The following EYS variants were observed in gnomAD, a reference collection of about 807,000 sequenced individuals.
EYS encodes the protein EGF-like photoreceptor maintenance factor.
A neutral mutation model predicts 282.1 loss-of-function variants in EYS; 250 were observed. The ratio of observed to expected loss-of-function variants is 0.89; its 90% CI spans 0.80 to 0.98. The LOEUF is 0.98. EYS is among the 50% of genes least tolerant of loss of function. The pLI, the probability that EYS is intolerant of heterozygous loss-of-function variation, is 0.00. For missense variants in EYS, 4,016 were observed against 3,709.0 expected, an observed-to-expected ratio of 1.08 and a Z score of -2.15; for synonymous variants, 1,355 against 1,282.9, an observed-to-expected ratio of 1.06 and a Z score of -1.20.
At chr6:64,512,199 G>T (rs1777432106) in intron 26 of EYS, among the ~76,000 whole-genome samples, 1 of 151,984 alleles carries the variant, frequency 6.6e-6, no homozygotes, top group African/African-American at 2.4e-5. Flanking sequence ...CCCAGAGTTG[G>T]GTTCCACTGG....
intron 31 of EYS, among the ~76,000 whole-genome samples, chr6:64,116,887 T>C (rs765256857): frequency 6.6e-6 from 1 of 152,056 alleles, no homozygotes; most frequent in Non-Finnish European, 1.5e-5. Context: ...GTTGTAAATA[T>C]ATAAGTACTA....
At chr6:64,673,881 GA>G (rs969952080) in intron 22 of EYS, among the ~76,000 whole-genome samples, 2 of 151,984 alleles carry the variant, frequency 1.3e-5, no homozygotes, top group African/African-American at 4.8e-5. Context: ...TGCACTATTA[GA>G]AAAATTTATG....
chr6:64,321,588 A>G (rs1258563402), intron 29 of EYS, among the ~76,000 whole-genome samples: 2 of 151,916 alleles, frequency 1.3e-5, no homozygotes, highest in Non-Finnish European at 2.9e-5. Flanking sequence ...TGCTATGAAT[A>G]TTTATTAAAT....
At chr6:64,894,103 A>T (rs1767377220) in intron 18 of EYS, among the ~76,000 whole-genome samples, 1 of 152,132 alleles carries the variant, frequency 6.6e-6, no homozygotes, top group African/African-American at 2.4e-5. Flanking sequence ...TAAATATTTA[A>T]GTGATATACT....
intron 2 of EYS, among the ~76,000 whole-genome samples, chr6:65,563,554 C>T (rs1209061342): frequency 6.6e-6 from 1 of 151,986 alleles, no homozygotes; most frequent in Non-Finnish European, 1.5e-5. Flanking sequence ...GACTATCAAT[C>T]TCCAAAAGTT....
chr6:64,945,046 G>A (rs147961898), intron 15 of EYS, among the ~76,000 whole-genome samples: 3 of 150,152 alleles, frequency 2.0e-5, no homozygotes, highest in African/African-American at 2.5e-5. Context: ...ATCAATAAAA[G>A]CTGAGGGAAC....
chr6:64,153,680 A>G (rs1480356395), intron 31 of EYS, among the ~76,000 whole-genome samples: 1 of 152,182 alleles, frequency 6.6e-6, no homozygotes, highest in African/African-American at 2.4e-5. Context: ...GTGGAGACAC[A>G]AGAACTGTCA....
intron 22 of EYS, among the ~76,000 whole-genome samples, chr6:64,745,889 T>C (rs547853909): frequency 3.3e-5 from 5 of 152,288 alleles, no homozygotes; most frequent in South Asian, 4.1e-4. Flanking sequence ...TGTTATACAT[T>C]TGATCTCATT....
At chr6:65,579,884 C>T (rs115867363) in intron 2 of EYS, among the ~76,000 whole-genome samples, 1,653 of 152,090 alleles carry the variant, frequency 0.011, 23 homozygotes, top group African/African-American at 0.026. Flanking sequence ...GGGAAGGAGA[C>T]GTTTCTCACT....
chr6:64,239,119 T>A (rs1309881442), intron 30 of EYS, among the ~76,000 whole-genome samples: 1 of 152,228 alleles, frequency 6.6e-6, no homozygotes, highest in Non-Finnish European at 1.5e-5. Context: ...TCCATTTTTG[T>A]ACATGTGCCA....
rs116253322 is a variant in EYS at position 63,795,892 on chromosome 6, C to A, written c.7412-6668G>T. ...AGGAGAGAAAATTGTCAGAACTGTG[C>A]GGCAACCCTGAGTGCCTTATGGTAA... On this transcript the variant is annotated intron_variant, in intron 37 of 42. Coordinates refer to ENST00000503581, the MANE Select transcript of EYS (RefSeq NM_001142800.2). Among the ~76,000 whole-genome samples the A allele has an allele frequency of 7.4e-3, 1,132 of 152,066 alleles. 18 individuals are homozygous for A. The highest frequency in any genetic ancestry group is 0.026 in the African/African-American group (1,062 of 41,478).
At chr6:64,287,003 C>G (rs1768527690) in intron 30 of EYS, among the ~76,000 whole-genome samples, 1 of 151,986 alleles carries the variant, frequency 6.6e-6, no homozygotes, top group South Asian at 2.1e-4. Flanking sequence ...ATGTTGGATG[C>G]CTGGTGAGAT....
chr6:64,901,051 C>G (rs1293783879), intron 18 of EYS, among the ~76,000 whole-genome samples: 1 of 68,162 alleles, frequency 1.5e-5, no homozygotes, highest in Non-Finnish European at 2.5e-5. Flanking sequence ...CCATGAAATA[C>G]TATGAGCTAT....
intron 12 of EYS, among the ~76,000 whole-genome samples, chr6:65,109,968 A>G (rs995136487): frequency 6.6e-6 from 1 of 152,164 alleles, no homozygotes; most frequent in Non-Finnish European, 1.5e-5. Flanking sequence ...GAAATAGCCA[A>G]AATAAGACTA....
chr6:64,530,902 C>T (rs968750210), intron 26 of EYS, among the ~76,000 whole-genome samples: 1 of 152,074 alleles, frequency 6.6e-6, no homozygotes, highest in African/African-American at 2.4e-5. Flanking sequence ...CAATTTGTCA[C>T]AAGAAATTTA....
chr6:64,751,496 G>C (rs140548125), intron 22 of EYS, among the ~76,000 whole-genome samples: 54 of 152,312 alleles, frequency 3.5e-4, no homozygotes, highest in African/African-American at 1.3e-3. Context: ...TGAGATACCT[G>C]TAGGTGGACC....
chr6:64,430,169 T>C (rs1774531921), intron 28 of EYS, among the ~76,000 whole-genome samples: 1 of 152,200 alleles, frequency 6.6e-6, no homozygotes, highest in Admixed American at 6.5e-5. Context: ...ACTCTAGTGA[T>C]AATGTTTCCA....
At chr6:64,242,846 A>G (rs1221666107) in intron 30 of EYS, among the ~76,000 whole-genome samples, 1 of 147,230 alleles carries the variant, frequency 6.8e-6, no homozygotes, top group African/African-American at 2.5e-5. Flanking sequence ...ATAAATATAT[A>G]AAAATTATAA....
chr6:64,339,059 C>G (rs1368597683), intron 29 of EYS, among the ~76,000 whole-genome samples: 1 of 151,984 alleles, frequency 6.6e-6, no homozygotes, highest in Non-Finnish European at 1.5e-5. Flanking sequence ...AAAAACCCTT[C>G]TAGACATTGG....
Sources: allele counts gnomAD v4.1 joint callset (sites outside exome capture counted in the v4.1 genomes callset), GRCh38; gene constraint gnomAD v4.1.1; transcripts MANE v1.5; gene names NCBI Gene and HGNC (gene_info 2026-07-23, HGNC 2026-07-21).